FBXL17: variants seen among roughly 807,000 people sequenced by gnomAD.
FBXL17 encodes the protein F-box and leucine rich repeat protein 17.
Under a neutral mutation model 66.2 loss-of-function variants are expected in FBXL17, and 22 were observed. The observed-to-expected ratio is 0.33, with a 90% CI of 0.24 to 0.47. FBXL17 has a LOEUF of 0.47. Ranked by LOEUF, FBXL17 falls within the 20% of genes least tolerant of loss-of-function variation. The pLI is 1.00. For missense variants in FBXL17, 878 were observed against 948.2 expected, an observed-to-expected ratio of 0.93 and a Z score of 0.97; for synonymous variants, 474 against 400.5, an observed-to-expected ratio of 1.18 and a Z score of -2.19.
At chr5:108,375,700 A>C (rs1026129968) in intron 1 of FBXL17, among the ~76,000 whole-genome samples, 9 of 152,228 alleles carry the variant, frequency 5.9e-5, no homozygotes, top group African/African-American at 2.2e-4. Flanking sequence ...ATATGCTTCA[A>C]TAAGAATGAA....
chr5:107,960,026 GAT>G (rs1751829819), intron 7 of FBXL17, among the ~76,000 whole-genome samples: 2 of 152,182 alleles, frequency 1.3e-5, no homozygotes, highest in South Asian at 4.1e-4. Flanking sequence ...TGTGGAAACT[GAT>G]ATTCAGATTA....
chr5:108,232,794 T>TATATATATATATATATATAAA lies in FBXL17; in HGVS notation c.1507-8567_1507-8566insTTTATATATATATATATATAT, dbSNP rs1294290778. The stretch of plus-strand genomic sequence containing the variant: ...GAATAAGCTCTCACATATATATATA[T>TATATATATATATATATATAAA]ATATATATATAATATATACTATTAG... On this transcript the variant is annotated intron_variant, in intron 4 of 8. Coordinates refer to ENST00000542267, the MANE Select transcript of FBXL17 (RefSeq NM_001163315.3). 3.5e-3 allele frequency among the ~76,000 whole-genome samples: 440 copies of TATATATATATATATATATAAA among 124,822 alleles called. 18 individuals carry two copies. The highest frequency in any genetic ancestry group is 0.013 in the African/African-American group (414 of 31,124). The allele number at this position is 124,822 out of a possible 152,430, so 81.9% of individuals were successfully genotyped here.
At chr5:107,893,090 G>T (rs1749248733) in intron 7 of FBXL17, among the ~76,000 whole-genome samples, 1 of 152,092 alleles carries the variant, frequency 6.6e-6, no homozygotes, top group African/African-American at 2.4e-5. Flanking sequence ...GGGTATCATT[G>T]TCAGGGTTAG....
intron 7 of FBXL17, among the ~76,000 whole-genome samples, chr5:107,918,295 CA>C (rs1483800218): frequency 1.3e-5 from 2 of 152,200 alleles, no homozygotes; most frequent in Non-Finnish European, 2.9e-5. Context: ...AACTGCTCTC[CA>C]ACTTCCTTGG....
chr5:107,926,632 G>A (rs1750534262), intron 7 of FBXL17, among the ~76,000 whole-genome samples: 1 of 151,346 alleles, frequency 6.6e-6, no homozygotes, highest in Admixed American at 6.6e-5. Flanking sequence ...AAGTTAGGAA[G>A]GCAGAATAAT....
rs1481544223 is a variant in FBXL17 at position 108,064,678 on chromosome 5, TG to T, written c.1746-43678del. 5.6e-4 allele frequency among the ~76,000 whole-genome samples: 86 copies of T among 152,362 alleles called. 2 individuals are homozygous for T. Among genetic ancestry groups the T allele is most frequent in the African/African-American group, 2.0e-3 (85 of 41,594 alleles). ...ATTTTAGAATAAAACATTATTGTAA[TG>T]CAAGCTGAATTGCTAGTCTTGTCAG... On this transcript the variant is annotated intron_variant, in intron 6 of 8. Transcript: ENST00000542267.
chr5:107,953,268 C>G (rs977462688), intron 7 of FBXL17, among the ~76,000 whole-genome samples: 6 of 151,744 alleles, frequency 4.0e-5, no homozygotes, highest in African/African-American at 1.5e-4. Context: ...GCCGGGCGTG[C>G]TGGCGGGCGC....
intron 6 of FBXL17, among the ~76,000 whole-genome samples, chr5:108,079,327 T>C (rs1748676286): frequency 6.6e-6 from 1 of 152,186 alleles, no homozygotes; most frequent in African/African-American, 2.4e-5. Context: ...AATAGTTGTG[T>C]AATAATGGAG....
At chr5:108,285,377 T>C (rs1194094537) in intron 4 of FBXL17, among the ~76,000 whole-genome samples, 1 of 151,860 alleles carries the variant, frequency 6.6e-6, no homozygotes, top group Non-Finnish European at 1.5e-5. Context: ...AGGTTTTCAA[T>C]TTACTTTGCC....
rs191135484 is a variant in FBXL17 at position 108,274,210 on chromosome 5, T to C, written c.1507-49982A>G. Among the ~76,000 whole-genome samples the C allele has an allele frequency of 2.2e-3, 333 of 152,298 alleles. 1 individual carries two copies. Among genetic ancestry groups the C allele is most frequent in the Admixed American group, 5.3e-3 (81 of 15,296 alleles). On this transcript the variant is annotated intron_variant, in intron 4 of 8. Coordinates refer to ENST00000542267, the MANE Select transcript of FBXL17 (RefSeq NM_001163315.3). ...TTAGGTGTGAATTTCCTCTTCCTAATAAGCCTGGGCGTGCTACGGGAGACT... is the reference window on the plus strand; with the variant it reads ...TTAGGTGTGAATTTCCTCTTCCTAACAAGCCTGGGCGTGCTACGGGAGACT...
chr5:107,913,988 A>T lies in FBXL17; in HGVS notation c.1823-32809T>A, dbSNP rs1035244124. On this transcript the variant is annotated intron_variant, in intron 7 of 8. Transcript: ENST00000542267. ...CATTTTATGAGTTTTTTTTTTTTTA[A>T]CAGGAGGCACTTCACACAATGATAT... Among the ~76,000 whole-genome samples, 9 of 151,506 alleles carry T rather than the reference A, an allele frequency of 5.9e-5. No homozygotes were observed. The South Asian group carries it at 1.9e-3, about 32-fold the overall frequency.
chr5:108,204,078 C>T (rs1754009210), intron 5 of FBXL17, among the ~76,000 whole-genome samples: 1 of 152,062 alleles, frequency 6.6e-6, no homozygotes, highest in South Asian at 2.1e-4. Context: ...CAAAACTCAA[C>T]CAAACCCATA....
intron 7 of FBXL17, among the ~76,000 whole-genome samples, chr5:107,941,956 T>C (rs974325979): frequency 1.4e-4 from 21 of 152,152 alleles, no homozygotes; most frequent in African/African-American, 4.6e-4. Context: ...ACTTGGCCTG[T>C]GGAGATTCTG....
At chr5:108,341,920 CACTT>C (rs1403982322) in intron 4 of FBXL17, among the ~76,000 whole-genome samples, 1 of 152,126 alleles carries the variant, frequency 6.6e-6, no homozygotes, top group Non-Finnish European at 1.5e-5. Flanking sequence ...GTTCAAATGT[CACTT>C]ACTATTTATA....
At chr5:108,256,345 G>T (rs866100258) in intron 4 of FBXL17, among the ~76,000 whole-genome samples, 3 of 151,972 alleles carry the variant, frequency 2.0e-5, no homozygotes, top group African/African-American at 4.8e-5. Flanking sequence ...TTTATCATTG[G>T]GCAAAAGTTT....
intron 4 of FBXL17, among the ~76,000 whole-genome samples, chr5:108,342,267 A>T (rs1211684605): frequency 1.3e-5 from 2 of 152,214 alleles, no homozygotes; most frequent in Non-Finnish European, 2.9e-5. Context: ...TGTCTGTAAT[A>T]CAGAGAAATT....
intron 6 of FBXL17, among the ~76,000 whole-genome samples, chr5:108,072,625 G>A (rs1430368242): frequency 2.6e-5 from 4 of 152,264 alleles, no homozygotes; most frequent in South Asian, 2.1e-4. Context: ...GGAGAAGGGC[G>A]TGAACCCGGG....
intron 7 of FBXL17, among the ~76,000 whole-genome samples, chr5:107,982,526 G>A (rs57099988): frequency 2.0e-5 from 3 of 151,814 alleles, no homozygotes; most frequent in Admixed American, 6.6e-5. Flanking sequence ...AAAACTTTCC[G>A]CTACTGAGAA....
Position 108,143,345 on chromosome 5 carries a change from T to TCA in FBXL17, c.1745+42771_1745+42772insTG, listed in dbSNP as rs1491283043. ...ACAAGTTTTACCAGAAGAACAGCAT[T>TCA]CTCACACACACACACACACACACAC... On this transcript the variant is annotated intron_variant, in intron 6 of 8. Coordinates refer to ENST00000542267, the MANE Select transcript of FBXL17 (RefSeq NM_001163315.3). Among the ~76,000 whole-genome samples, 988 of 129,274 alleles carry TCA rather than the reference T, an allele frequency of 7.6e-3. 11 individuals are homozygous for TCA. Among genetic ancestry groups the TCA allele is most frequent in the African/African-American group, 0.027 (900 of 32,764 alleles). The allele number at this position is 129,274 out of a possible 152,430, so 84.8% of individuals were successfully genotyped here.
Sources: allele counts gnomAD v4.1 joint callset (sites outside exome capture counted in the v4.1 genomes callset), GRCh38; gene constraint gnomAD v4.1.1; transcripts MANE v1.5; gene names NCBI Gene and HGNC (gene_info 2026-07-23, HGNC 2026-07-21).